Variants in DENND1B observed in about 807,000 individuals in gnomAD.
DENND1B encodes the protein DENN domain-containing protein 1B.
In DENND1B, 59 loss-of-function variants were observed where a neutral mutation model predicts 90.1. The ratio of observed to expected loss-of-function variants is 0.65; its 90% CI spans 0.53 to 0.81. The LOEUF (loss-of-function observed/expected upper bound fraction) is 0.81. DENND1B is among the 40% of genes least tolerant of loss of function. The pLI, the probability that DENND1B is intolerant of heterozygous loss-of-function variation, is 0.00. For missense variants in DENND1B, 862 were observed against 912.6 expected (o/e 0.94, Z 0.71); for synonymous variants, 337 against 324.6 (o/e 1.04, Z -0.41).
chr1:197,670,835 C>G (rs1655432602), intron 5 of DENND1B, among the ~76,000 whole-genome samples: 1 of 151,996 alleles, frequency 6.6e-6, no homozygotes, highest in Non-Finnish European at 1.5e-5. Flanking sequence ...CCAACCTGCT[C>G]CAAGTTCAAA....
chr1:197,768,346 C>G (rs962893579), intron 2 of DENND1B, among the ~76,000 whole-genome samples: 27 of 152,004 alleles, frequency 1.8e-4, no homozygotes, highest in Non-Finnish European at 2.9e-4. Flanking sequence ...GCTAGAGTAC[C>G]AAGGCCACTT....
chr1:197,530,289 T>C lies in DENND1B; in HGVS notation c.1515+9675A>G, dbSNP rs977731115. Among the ~76,000 whole-genome samples the C allele has an allele frequency of 5.9e-5, 9 of 152,326 alleles. 1 individual carries two copies. Among genetic ancestry groups the C allele is most frequent in the African/African-American group, 1.7e-4 (7 of 41,578 alleles). On this transcript the variant is annotated intron_variant, in intron 20 of 22. Transcript: ENST00000620048. ...TACATTCTTGGAATTTAAATGATCA[T>C]AATCCCATTTTCATCTTTTGAAAAA... is the stretch of plus-strand genomic sequence containing the variant.
chr1:197,528,868 A>T (rs1669343796), intron 20 of DENND1B, among the ~76,000 whole-genome samples: 1 of 151,704 alleles, frequency 6.6e-6, no homozygotes, highest in African/African-American at 2.4e-5. Context: ...CAAAAAAAAA[A>T]AAAAATTCTT....
At chr1:197,583,787 C>T (rs1042646379) in intron 14 of DENND1B, among the ~76,000 whole-genome samples, 2 of 152,104 alleles carry the variant, frequency 1.3e-5, no homozygotes, top group Non-Finnish European at 2.9e-5. Context: ...TTCATTAATC[C>T]TTTGCGTTAA....
chr1:197,667,090 C>T (rs527550909), intron 5 of DENND1B, among the ~76,000 whole-genome samples: 65 of 150,648 alleles, frequency 4.3e-4, no homozygotes, highest in Non-Finnish European at 7.5e-4. Context: ...GCAAAGATTG[C>T]GTCACTGCAT....
intron 2 of DENND1B, among the ~76,000 whole-genome samples, chr1:197,721,098 C>T (rs1297237524): frequency 3.6e-5 from 4 of 111,964 alleles, no homozygotes; most frequent in Non-Finnish European, 6.7e-5. Context: ...GAGACGGAGT[C>T]TCACTCCGTT....
At chr1:197,624,146 C>T (rs1224002197) in intron 10 of DENND1B, among the ~76,000 whole-genome samples, 1 of 151,582 alleles carries the variant, frequency 6.6e-6, no homozygotes, top group African/African-American at 2.4e-5. Flanking sequence ...AGTTGGAGGA[C>T]TGACACTATC....
At chr1:197,699,314 C>T (rs775949686) in intron 3 of DENND1B, among the ~76,000 whole-genome samples, 18 of 151,988 alleles carry the variant, frequency 1.2e-4, no homozygotes, top group South Asian at 1.0e-3. Flanking sequence ...AAAAACCACA[C>T]GATTATTTCA....
chr1:197,659,077 A>T (rs1255888494), intron 5 of DENND1B, among the ~76,000 whole-genome samples: 1 of 151,202 alleles, frequency 6.6e-6, no homozygotes, highest in Non-Finnish European at 1.5e-5. Context: ...TAAACTGTAC[A>T]CTTTTCATGT....
At chr1:197,669,441 C>T (rs569435453) in intron 5 of DENND1B, among the ~76,000 whole-genome samples, 1 of 152,038 alleles carries the variant, frequency 6.6e-6, no homozygotes, top group Non-Finnish European at 1.5e-5. Context: ...CTGATTATAG[C>T]TTACAAATAG....
intron 12 of DENND1B, among the ~76,000 whole-genome samples, chr1:197,609,670 G>A (rs1284973446): frequency 1.3e-5 from 2 of 148,862 alleles, no homozygotes; most frequent in African/African-American, 2.5e-5. Flanking sequence ...GTTACATTAG[G>A]TTGGTGCAAA....
At chr1:197,743,195 G>A (rs964127255) in intron 2 of DENND1B, among the ~76,000 whole-genome samples, 8 of 152,084 alleles carry the variant, frequency 5.3e-5, no homozygotes, top group Admixed American at 1.3e-4. Flanking sequence ...CAAGCAGAGC[G>A]CACATTACCT....
At chr1:197,617,178 A>G (rs560217388) in intron 11 of DENND1B, among the ~76,000 whole-genome samples, 11 of 150,980 alleles carry the variant, frequency 7.3e-5, no homozygotes, top group Admixed American at 6.0e-4. Context: ...ATTAGAGACA[A>G]CCCCTTTATC....
chr1:197,749,877 T>C (rs1023266674), intron 2 of DENND1B, among the ~76,000 whole-genome samples: 3 of 152,208 alleles, frequency 2.0e-5, no homozygotes, highest in African/African-American at 7.2e-5. Flanking sequence ...AGACAGGATC[T>C]TGCTCTGTCG....
intron 2 of DENND1B, among the ~76,000 whole-genome samples, chr1:197,716,362 C>T (rs1181621346): frequency 1.3e-5 from 2 of 151,374 alleles, no homozygotes; most frequent in South Asian, 2.1e-4. Context: ...TAATTTAAAA[C>T]ATCTTATATA....
chr1:197,660,040 C>A (rs913154667), intron 5 of DENND1B, among the ~76,000 whole-genome samples: 2 of 150,970 alleles, frequency 1.3e-5, no homozygotes, highest in African/African-American at 2.4e-5. Flanking sequence ...GAATTAAGAG[C>A]AGGAAGCTAT....
At chr1:197,546,094 A>C (rs1670797636) in intron 17 of DENND1B, 104 bp from the exon 18 acceptor site, 1 of 850,638 alleles carries the variant, frequency 1.2e-6, no homozygotes, top group Non-Finnish European at 1.8e-6. Flanking sequence ...GGCTTTACTC[A>C]CAACTTAAAG....
chr1:197,730,321 A>T (rs1662036763), intron 2 of DENND1B, among the ~76,000 whole-genome samples: 1 of 152,082 alleles, frequency 6.6e-6, no homozygotes, highest in Admixed American at 6.5e-5. Context: ...CAGACTATAA[A>T]AGGACATGTA....
chr1:197,572,345 G>T (rs1167058495), intron 15 of DENND1B, among the ~76,000 whole-genome samples: 2 of 152,198 alleles, frequency 1.3e-5, no homozygotes, highest in African/African-American at 4.8e-5. Context: ...GACCTGTGAG[G>T]CAGCAGCCTG....
Sources: gnomAD v4.1 joint callset for allele counts (sites outside exome capture counted in the v4.1 genomes callset) on GRCh38, gnomAD v4.1.1 for gene constraint, MANE v1.5 for transcripts, NCBI Gene and HGNC (gene_info 2026-07-23, HGNC 2026-07-21) for gene names.